The following OCA2 variants were observed in gnomAD, a reference collection of about 807,000 sequenced individuals.
OCA2 encodes P protein.
A neutral mutation model predicts 100.2 loss-of-function variants in OCA2; 77 were observed. The observed-to-expected ratio is 0.77, with a 90% confidence interval of 0.64 to 0.93. The LOEUF is 0.93. OCA2 is among the 40% of genes least tolerant of loss of function. The pLI is 0.00. For missense variants in OCA2, 1,062 were observed against 1,089.1 expected (o/e 0.98, Z 0.35); for synonymous variants, 432 against 439.2 (o/e 0.98, Z 0.21).
chr15:28,065,960 T>C (rs1210624081), intron 2 of OCA2, among the ~76,000 whole-genome samples: 3 of 152,188 alleles, frequency 2.0e-5, no homozygotes, highest in Non-Finnish European at 2.9e-5. Context: ...TGTATGTTGA[T>C]TTATAAAACT....
chr15:28,024,950 T>G (rs762156003), intron 4 of OCA2, 48 bp from the exon 5 acceptor site: 14 of 1,583,422 alleles, frequency 8.8e-6, no homozygotes, highest in Non-Finnish European at 1.2e-5. Context: ...GCAGTCCTGT[T>G]GCCCAGACTC....
intron 20 of OCA2, 92 bp downstream of exon 20, chr15:27,871,771 C>T: frequency 2.2e-6 from 2 of 912,474 alleles, no homozygotes; most frequent in Admixed American, 1.8e-5. Flanking sequence ...TTAATGGGAC[C>T]TGTTCTTACC....
intron 21 of OCA2, among the ~76,000 whole-genome samples, chr15:27,865,350 ATCCCCAG>A (rs1203442264): frequency 6.6e-6 from 1 of 152,120 alleles, no homozygotes; most frequent in Non-Finnish European, 1.5e-5. Flanking sequence ...TCATGTTAAA[ATCCCCAG>A]TGAAGAGTGT....
chr15:27,750,276 A>C (rs1399472119), downstream of OCA2, among the ~76,000 whole-genome samples: 1 of 152,214 alleles, frequency 6.6e-6, no homozygotes, highest in Admixed American at 6.5e-5. Context: ...TATATTGAAA[A>C]AGTTACAGAA....
chr15:27,727,413 T>A, the OCA2 span, among the ~76,000 whole-genome samples: 1 of 152,178 alleles, frequency 6.6e-6, no homozygotes, highest in African/African-American at 2.4e-5. Context: ...GAGGCCAGCT[T>A]CAGAGATGTG....
intron 21 of OCA2, among the ~76,000 whole-genome samples, chr15:27,869,864 G>T (rs78451871): frequency 0.039 from 5,998 of 152,294 alleles, 406 homozygotes; most frequent in African/African-American, 0.13. Flanking sequence ...TGCCTGGGGC[G>T]CAGGGAGAGG....
At chr15:27,745,488 G>T in the OCA2 span, among the ~76,000 whole-genome samples, 2 of 152,066 alleles carry the variant, frequency 1.3e-5, no homozygotes, top group Non-Finnish European at 2.9e-5. Context: ...AACCTCTAGC[G>T]GCTAGAAATA....
At chr15:28,057,416 G>C (rs925446162) in intron 2 of OCA2, among the ~76,000 whole-genome samples, 1 of 152,078 alleles carries the variant, frequency 6.6e-6, no homozygotes, top group Non-Finnish European at 1.5e-5. Flanking sequence ...GGCCTGCACT[G>C]TGAGAAGCCT....
At chr15:28,058,397 T>G (rs1196452683) in intron 2 of OCA2, among the ~76,000 whole-genome samples, 4 of 152,162 alleles carry the variant, frequency 2.6e-5, no homozygotes, top group African/African-American at 9.6e-5. Context: ...TTCTGAGCGC[T>G]CCCTCTTTCA....
intron 23 of OCA2, among the ~76,000 whole-genome samples, chr15:27,802,867 A>G (rs572420815): frequency 6.6e-6 from 1 of 152,336 alleles, no homozygotes; most frequent in East Asian, 1.9e-4. Flanking sequence ...TTGCTTAGGT[A>G]CAACACTAAA....
chr15:27,842,990 GTTATTA>G, intron 23 of OCA2, among the ~76,000 whole-genome samples: 1 of 152,300 alleles, frequency 6.6e-6, no homozygotes, highest in East Asian at 1.9e-4. Flanking sequence ...AGATGCCCTG[GTTATTA>G]TTCCAAAGTG....
intron 23 of OCA2, among the ~76,000 whole-genome samples, chr15:27,844,660 A>G (rs1410492531): frequency 6.6e-6 from 1 of 152,056 alleles, no homozygotes; most frequent in East Asian, 1.9e-4. Flanking sequence ...TGCCATGCCC[A>G]GCTAATTTTT....
chr15:27,877,062 A>T lies in OCA2; in HGVS notation c.2080-5140T>A, dbSNP rs192219570. ...AAGCTAACTTTAGGTGCACTCAAAAATTTTTTATATATTTTCATCAACATT... is the reference window on the plus strand; with the variant it reads ...AAGCTAACTTTAGGTGCACTCAAAATTTTTTTATATATTTTCATCAACATT... On this transcript the variant is annotated intron_variant, in intron 19 of 23. Coordinates refer to ENST00000354638, the MANE Select transcript of OCA2 (RefSeq NM_000275.3). Among the ~76,000 whole-genome samples, 45 of 151,958 alleles carry T rather than the reference A, an allele frequency of 3.0e-4. No individual in the cohort carries two copies. In the East Asian group the frequency reaches 7.3e-3, roughly 25 times the overall value.
chr15:28,016,608 T>C (rs919725982), intron 7 of OCA2, among the ~76,000 whole-genome samples: 1 of 151,866 alleles, frequency 6.6e-6, no homozygotes, highest in African/African-American at 2.4e-5. Flanking sequence ...GCAAGACCCC[T>C]GTCTGCACAA....
chr15:27,850,160 G>A (rs922015260), intron 22 of OCA2, among the ~76,000 whole-genome samples: 1 of 152,104 alleles, frequency 6.6e-6, no homozygotes, highest in South Asian at 2.1e-4. Context: ...AGCTCACGAG[G>A]CCTGTCACTC....
chr15:27,738,380 C>T, the OCA2 span, among the ~76,000 whole-genome samples: 3 of 152,190 alleles, frequency 2.0e-5, no homozygotes, highest in South Asian at 4.1e-4. Context: ...TCATAAATAT[C>T]GTGTGGGGCA....
intron 2 of OCA2, among the ~76,000 whole-genome samples, chr15:28,077,250 G>C (rs2044462509): frequency 6.6e-6 from 1 of 151,982 alleles, no homozygotes; most frequent in South Asian, 2.1e-4. Flanking sequence ...GTAGAGACGG[G>C]GTTTCTCCAT....
At chr15:27,977,225 TG>T (rs1249627786) in intron 14 of OCA2, among the ~76,000 whole-genome samples, 3 of 152,192 alleles carry the variant, frequency 2.0e-5, no homozygotes, top group Non-Finnish European at 2.9e-5. Context: ...TTGCTTTCGT[TG>T]ATGTTCCCTA....
At chr15:27,847,397 G>A (rs1430908607) in intron 22 of OCA2, among the ~76,000 whole-genome samples, 1 of 152,202 alleles carries the variant, frequency 6.6e-6, no homozygotes, top group Non-Finnish European at 1.5e-5. Context: ...GGAGGGCAGG[G>A]AGGAGAACTG....
Sources: allele counts gnomAD v4.1 joint callset (sites outside exome capture counted in the v4.1 genomes callset), GRCh38; gene constraint gnomAD v4.1.1; transcripts MANE v1.5; gene names NCBI Gene and HGNC (gene_info 2026-07-23, HGNC 2026-07-21).